Variants in LZTFL1 observed in about 807,000 individuals in gnomAD.
The protein encoded by LZTFL1 is leucine zipper transcription factor-like protein 1.
In LZTFL1, 25 loss-of-function variants were observed where a neutral mutation model predicts 45.9. The ratio of observed to expected loss-of-function variants is 0.54; its 90% CI spans 0.40 to 0.76. The LOEUF (loss-of-function observed/expected upper bound fraction) is 0.76. Ranked by LOEUF, LZTFL1 falls within the 30% of genes least tolerant of loss-of-function variation. The probability of loss-of-function intolerance (pLI) is 0.00; values close to 1 mark genes in which losing one functional copy is unlikely to be tolerated. For synonymous variants in LZTFL1, 93 were observed against 117.4 expected (o/e 0.79, Z 1.35); for missense variants, 277 against 331.1 (o/e 0.84, Z 1.27).
intron 1 of LZTFL1, among the ~76,000 whole-genome samples, chr3:45,915,202 T>C (rs905141205): frequency 6.6e-6 from 1 of 152,232 alleles, no homozygotes; most frequent in African/African-American, 2.4e-5. Flanking sequence ...CATTTCTCAC[T>C]GCCCCTTTCT....
At chr3:45,902,089 G>A (rs1294136786) in intron 2 of LZTFL1, 2 of 559,866 alleles carry the variant, frequency 3.6e-6, no homozygotes, top group African/African-American at 3.8e-5. Flanking sequence ...AGTGCAGGAG[G>A]CTGTTGATTG....
upstream of LZTFL1, among the ~76,000 whole-genome samples, chr3:45,843,840 C>T (rs1701174470): frequency 6.6e-6 from 1 of 152,188 alleles, no homozygotes; most frequent in South Asian, 2.1e-4. Context: ...ACTTGTACTT[C>T]AGGTTGTTTA....
intron 2 of LZTFL1, among the ~76,000 whole-genome samples, chr3:45,859,811 A>G (rs1020291842): frequency 6.6e-6 from 1 of 151,978 alleles, no homozygotes; most frequent in Non-Finnish European, 1.5e-5. Context: ...TAATTTTTAT[A>G]TTTTTAGTAG....
At chr3:45,888,680 T>C (rs1453070887) in intron 2 of LZTFL1, among the ~76,000 whole-genome samples, 1 of 152,212 alleles carries the variant, frequency 6.6e-6, no homozygotes, top group Non-Finnish European at 1.5e-5. Flanking sequence ...TGTTTGGTCA[T>C]ATGTGGGATT....
At chr3:45,875,811 GT>G (rs1306523568) in intron 2 of LZTFL1, among the ~76,000 whole-genome samples, 1 of 152,128 alleles carries the variant, frequency 6.6e-6, no homozygotes, top group Non-Finnish European at 1.5e-5. Flanking sequence ...AGAGTAGAAG[GT>G]TTTTTTATTC....
At chr3:45,904,989 C>A (rs1259682902) in intron 2 of LZTFL1, among the ~76,000 whole-genome samples, 1 of 152,206 alleles carries the variant, frequency 6.6e-6, no homozygotes, top group East Asian at 1.9e-4. Flanking sequence ...CCGGAGGGTT[C>A]TTCTCCTATA....
At chr3:45,886,975 C>T (rs1234613931) in intron 2 of LZTFL1, among the ~76,000 whole-genome samples, 1 of 152,176 alleles carries the variant, frequency 6.6e-6, no homozygotes, top group African/African-American at 2.4e-5. Context: ...GTAAAGGACA[C>T]ACCCATGAGG....
intron 2 of LZTFL1, among the ~76,000 whole-genome samples, chr3:45,882,247 AG>A (rs1701874292): frequency 6.6e-6 from 1 of 152,350 alleles, no homozygotes; most frequent in African/African-American, 2.4e-5. Context: ...TGGGGAAAAA[AG>A]GGTCCTTGCA....
At chr3:45,893,966 C>T (rs1476983900) in intron 2 of LZTFL1, among the ~76,000 whole-genome samples, 1 of 152,170 alleles carries the variant, frequency 6.6e-6, no homozygotes, top group Non-Finnish European at 1.5e-5. Flanking sequence ...AGGAAGCCAA[C>T]AGGTTGGCTT....
chr3:45,913,713 A>AT (rs562530986), intron 1 of LZTFL1, among the ~76,000 whole-genome samples: 2 of 152,010 alleles, frequency 1.3e-5, no homozygotes, highest in Non-Finnish European at 2.9e-5. Context: ...TAAAGATGCC[A>AT]TTTTTTCCCC....
At chr3:45,885,039 T>C (rs1701943743) in intron 2 of LZTFL1, among the ~76,000 whole-genome samples, 1 of 152,234 alleles carries the variant, frequency 6.6e-6, no homozygotes, top group Admixed American at 6.5e-5. Context: ...TCGTTCTTAC[T>C]GTGCATGCCC....
chr3:45,861,866 C>T (rs1468801373), intron 2 of LZTFL1, among the ~76,000 whole-genome samples: 2 of 152,146 alleles, frequency 1.3e-5, no homozygotes, highest in Non-Finnish European at 2.9e-5. Context: ...CTGTGAGGGC[C>T]GTTTATATCA....
intron 4 of LZTFL1, among the ~76,000 whole-genome samples, chr3:45,851,456 A>G (rs1014835167): frequency 6.6e-6 from 1 of 151,292 alleles, no homozygotes; most frequent in Non-Finnish European, 1.5e-5. Flanking sequence ...CAAACTCCTG[A>G]CCTCATGATC....
intron 3 of LZTFL1, among the ~76,000 whole-genome samples, chr3:45,858,500 A>T (rs945014615): frequency 6.6e-6 from 1 of 152,208 alleles, no homozygotes; most frequent in African/African-American, 2.4e-5. Flanking sequence ...GAAATAATTT[A>T]TTATATCCCT....
intron 4 of LZTFL1, among the ~76,000 whole-genome samples, chr3:45,854,155 C>T (rs1270530918): frequency 3.3e-5 from 5 of 152,242 alleles, no homozygotes; most frequent in Admixed American, 3.3e-4. Context: ...CACCCCTGAA[C>T]ATTGGTATCC....
At position 45,901,136 on chromosome 3, in the gene LZTFL1, C is replaced by T. The variant is rs72890686; in HGVS notation, c.-215+11984G>A. ...CTGCTGACCAGTGGAAGTTCCAGACCTTCATGTGCAAGGTGGTCAACAGCA... is the reference window on the plus strand; with the variant it reads ...CTGCTGACCAGTGGAAGTTCCAGACTTTCATGTGCAAGGTGGTCAACAGCA... On this transcript the variant is annotated intron_variant, in intron 2 of 4. Coordinates refer to the LZTFL1 transcript ENST00000472635. This position sits in a 1 kb window ranked among gnomAD's most constrained non-coding sequence, Gnocchi z 4.3. 479 of 1,614,144 alleles carry T rather than the reference C, an allele frequency of 3.0e-4. 2 individuals are homozygous for T. The African/African-American group carries it at 6.1e-3, about 20-fold the overall frequency.
chr3:45,875,654 T>G (rs1230391459), intron 2 of LZTFL1, among the ~76,000 whole-genome samples: 4 of 152,014 alleles, frequency 2.6e-5, no homozygotes, highest in Non-Finnish European at 5.9e-5. Context: ...AGACTCTGTC[T>G]CTATGAAACA....
chr3:45,843,387 T>C (rs939671711), upstream of LZTFL1, among the ~76,000 whole-genome samples: 2 of 152,228 alleles, frequency 1.3e-5, no homozygotes, highest in Non-Finnish European at 2.9e-5. Flanking sequence ...TAGACATTCG[T>C]TGTGTTCACA....
intron 2 of LZTFL1, 80 bp downstream of exon 2, chr3:45,837,847 C>T: frequency 6.9e-7 from 1 of 1,443,670 alleles, no homozygotes; most frequent in Non-Finnish European, 9.2e-7. Context: ...ATTGTCTGGC[C>T]TCTGCTATGG....
Sources: allele counts gnomAD v4.1 joint callset (sites outside exome capture counted in the v4.1 genomes callset), GRCh38; gene constraint gnomAD v4.1.1; non-coding constraint Gnocchi (gnomAD v3.1); transcripts MANE v1.5; gene names NCBI Gene and HGNC (gene_info 2026-07-23, HGNC 2026-07-21).